NUP160: variants seen among roughly 807,000 people sequenced by gnomAD.
NUP160 encodes nucleoporin 160, also known as nuclear pore complex protein Nup160.
A neutral mutation model predicts 196.9 loss-of-function variants in NUP160; 94 were observed. The observed-to-expected ratio is 0.48, with a 90% CI of 0.40 to 0.57. NUP160 has a LOEUF of 0.57. Ranked by LOEUF, NUP160 falls within the 20% of genes least tolerant of loss-of-function variation. NUP160 has a pLI of 0.00. For missense variants in NUP160, 1,638 were observed against 1,748.3 expected, an observed-to-expected ratio of 0.94 and a Z score of 1.13; for synonymous variants, 605 against 619.7, an observed-to-expected ratio of 0.98 and a Z score of 0.35.
chr11:47,839,613 A>G, intron 4 of NUP160: 2 of 514,684 alleles, frequency 3.9e-6, no homozygotes, highest in South Asian at 5.4e-5. Flanking sequence ...CAAGATTTAG[A>G]ATAGGCTGTC....
At chr11:47,832,961 AT>A (rs1446188936) in intron 7 of NUP160, among the ~76,000 whole-genome samples, 7 of 152,212 alleles carry the variant, frequency 4.6e-5, no homozygotes, top group African/African-American at 1.7e-4. Context: ...CAGAAAATAG[AT>A]TAGCAGTTGT....
chr11:47,819,135 G>A (rs1030170033), intron 10 of NUP160, among the ~76,000 whole-genome samples: 1 of 152,024 alleles, frequency 6.6e-6, no homozygotes, highest in Non-Finnish European at 1.5e-5. Context: ...ACAACATGGT[G>A]AAACCCCGTC....
intron 10 of NUP160, among the ~76,000 whole-genome samples, chr11:47,818,404 G>A (rs1431554139): frequency 1.3e-5 from 2 of 152,168 alleles, no homozygotes; most frequent in African/African-American, 4.8e-5. Context: ...AATCTTAAAT[G>A]GAAGAAGCAA....
At chr11:47,780,667 G>A (rs935892075) in intron 34 of NUP160, among the ~76,000 whole-genome samples, 4 of 151,442 alleles carry the variant, frequency 2.6e-5, no homozygotes, top group South Asian at 2.1e-4. Flanking sequence ...CTCTTGAGTA[G>A]CTGGACTACA....
chr11:47,822,897 A>T (rs531431045), intron 7 of NUP160, among the ~76,000 whole-genome samples: 56 of 152,048 alleles, frequency 3.7e-4, no homozygotes, highest in African/African-American at 1.3e-3. Context: ...AAGGACATGA[A>T]CTCATCCTTT....
At chr11:47,807,641 T>C (rs950831412) in intron 18 of NUP160, among the ~76,000 whole-genome samples, 2 of 151,488 alleles carry the variant, frequency 1.3e-5, no homozygotes, top group Non-Finnish European at 2.9e-5. Flanking sequence ...CACTCCAGCA[T>C]GGGCAACAAG....
intron 6 of NUP160, among the ~76,000 whole-genome samples, chr11:47,836,112 G>A (rs1852168602): frequency 6.6e-6 from 1 of 152,188 alleles, no homozygotes; most frequent in Non-Finnish European, 1.5e-5. Context: ...GCCAGGTGCA[G>A]TGGTGCATGC....
chr11:47,845,381 C>T (rs1852380716), intron 2 of NUP160, among the ~76,000 whole-genome samples: 2 of 152,300 alleles, frequency 1.3e-5, no homozygotes, highest in South Asian at 4.1e-4. Flanking sequence ...CTCAGGTGAT[C>T]CACCTGCCTC....
intron 27 of NUP160, among the ~76,000 whole-genome samples, chr11:47,797,132 T>G (rs892280624): frequency 8.6e-6 from 1 of 116,470 alleles, no homozygotes; most frequent in Non-Finnish European, 1.8e-5. Context: ...AATTTTGCTC[T>G]AAGAACTGAA....
At chr11:47,815,895 C>A (rs578006440) in intron 12 of NUP160, 51 bp downstream of exon 12, 3 of 1,372,368 alleles carry the variant, frequency 2.2e-6, no homozygotes, top group Non-Finnish European at 2.1e-6. Context: ...TACCAATCTG[C>A]CCTATATCAA....
At chr11:47,821,907 G>A (rs1011850275) in intron 8 of NUP160, 86 bp from the exon 9 acceptor site, 2 of 1,127,814 alleles carry the variant, frequency 1.8e-6, no homozygotes, top group Admixed American at 1.9e-5. Flanking sequence ...AGTAGGAGAG[G>A]TAAATGTATG....
intron 13 of NUP160, 26 bp from the exon 14 acceptor site, chr11:47,813,441 ATT>A: frequency 6.8e-7 from 1 of 1,475,204 alleles, no homozygotes; most frequent in Non-Finnish European, 9.5e-7. Context: ...TTCCAGTTAC[ATT>A]TTTGTCAGTA....
At chr11:47,828,728 A>T (rs2135391910) in intron 7 of NUP160, among the ~76,000 whole-genome samples, 1 of 152,348 alleles carries the variant, frequency 6.6e-6, no homozygotes, top group African/African-American at 2.4e-5. Flanking sequence ...TGGTACCAGC[A>T]CAAGGTCAGA....
chr11:47,792,606 C>G (rs1429139253), intron 28 of NUP160, 180 bp downstream of exon 28: 1 of 579,910 alleles, frequency 1.7e-6, no homozygotes, highest in Admixed American at 3.2e-5. Context: ...AACTTGAAAA[C>G]TAAAGGGGTA....
chr11:47,847,806 A>C, intron 2 of NUP160, 42 bp downstream of exon 2: 2 of 1,420,656 alleles, frequency 1.4e-6, no homozygotes, highest in Non-Finnish European at 1.0e-6. Context: ...TTATACACCA[A>C]ACCCTACCTT....
chr11:47,835,419 G>C (rs1852153859), intron 7 of NUP160, among the ~76,000 whole-genome samples: 1 of 152,100 alleles, frequency 6.6e-6, no homozygotes, highest in African/African-American at 2.4e-5. Context: ...TGCTCTTCTT[G>C]TTTAGTTTCT....
chr11:47,780,979 C>T (rs941976378), intron 34 of NUP160, among the ~76,000 whole-genome samples: 1 of 151,694 alleles, frequency 6.6e-6, no homozygotes, highest in African/African-American at 2.4e-5. Flanking sequence ...GTAATTCCAA[C>T]GTTTTGGGAG....
chr11:47,815,940 C>T lies in NUP160; in HGVS notation c.1515+6G>A, dbSNP rs1181540441. On this transcript the variant is annotated splice_donor_region_variant and intron_variant, in intron 12 of 35. Coordinates refer to ENST00000378460, the Ensembl canonical transcript of NUP160. Reference sequence around the variant, plus strand: ...AATTCTTATTCTTTCTCTACCCAAGCCTCACCTCATTTTCAACAGCTAAAG... The same window carrying T: ...AATTCTTATTCTTTCTCTACCCAAGTCTCACCTCATTTTCAACAGCTAAAG... 3.1e-6 allele frequency: 5 copies of T among 1,604,336 alleles called. No individual in the cohort carries two copies. Among genetic ancestry groups the T allele is most frequent in the East Asian group, 2.2e-5 (1 of 44,782 alleles).
rs183557751 is a variant in NUP160, at chr11:47,791,637, G to A, written c.3511+293C>T. Among the ~76,000 whole-genome samples the A allele has an allele frequency of 4.0e-3, 613 of 152,152 alleles. 1 individual carries two copies. The highest frequency in any genetic ancestry group is 6.2e-3 in the Admixed American group (94 of 15,258). On this transcript the variant is annotated intron_variant, in intron 29 of 35. Coordinates refer to ENST00000378460, the Ensembl canonical transcript of NUP160. ...ATTACAGGTGTGAGCCACCACACCCGGCTTCCTTAACTTTTTCAATATTTC... is the reference window on the plus strand; with the variant it reads ...ATTACAGGTGTGAGCCACCACACCCAGCTTCCTTAACTTTTTCAATATTTC...
Sources: allele counts gnomAD v4.1 joint callset (sites outside exome capture counted in the v4.1 genomes callset), GRCh38; gene constraint gnomAD v4.1.1; transcripts MANE v1.5; gene names NCBI Gene and HGNC (gene_info 2026-07-23, HGNC 2026-07-21).